The following POLR1D variants were observed in gnomAD, a reference collection of about 807,000 sequenced individuals.
The protein encoded by POLR1D is DNA-directed RNA polymerases I and III subunit RPAC2.
In POLR1D, 8 loss-of-function variants were observed where a neutral mutation model predicts 10.8. The ratio of observed to expected loss-of-function variants is 0.74; its 90% CI spans 0.43 to 1.33. POLR1D has a LOEUF of 1.33. Ranked by LOEUF, POLR1D falls within the 40% of genes most tolerant of loss-of-function variation. POLR1D has a pLI of 0.01. For missense variants in POLR1D, 152 were observed against 161.7 expected (o/e 0.94, Z 0.32); for synonymous variants, 54 against 57.2 (o/e 0.94, Z 0.25).
chr13:27,648,218 A>G (rs1313505049), intron 1 of POLR1D: 2 of 559,006 alleles, frequency 3.6e-6, no homozygotes, highest in African/African-American at 3.8e-5. Context: ...GTTTCTTTTT[A>G]ATTTATGTGT....
downstream of POLR1D, among the ~76,000 whole-genome samples, chr13:27,627,616 G>T (rs1345692496): frequency 6.6e-6 from 1 of 151,824 alleles, no homozygotes; most frequent in African/African-American, 2.4e-5. Context: ...CAGTGAAGAT[G>T]GCAAATAAGA....
chr13:27,622,127 G>A, intron 1 of POLR1D, 118 bp downstream of exon 1: 1 of 832,596 alleles, frequency 1.2e-6, no homozygotes, highest in Non-Finnish European at 2.0e-6. Context: ...GAAGAAGCAT[G>A]GAGAGAGAAG....
At position 27,663,245 on chromosome 13, in the gene POLR1D, C is replaced by T. The variant is rs1956382114; in HGVS notation, c.102-2441C>T. Among the ~76,000 whole-genome samples the T allele has an allele frequency of 6.6e-6, 1 of 152,108 alleles. No individual in the cohort carries two copies. The highest frequency in any genetic ancestry group is 2.1e-4 in the South Asian group (1 of 4,832). Reference sequence around the variant, plus strand: ...TATTTATTAGTAGAGTGTGAATGAGCACTTGTCATCACTTCTAAAATGTGT... The same window carrying T: ...TATTTATTAGTAGAGTGTGAATGAGTACTTGTCATCACTTCTAAAATGTGT... On this transcript the variant is annotated intron_variant, in intron 2 of 2. Coordinates refer to the POLR1D transcript ENST00000399697. The surrounding 1 kb of genome is among the most constrained non-coding windows in gnomAD (Gnocchi z 4.1).
upstream of POLR1D, chr13:27,620,861 A>T (rs1244924863): frequency 1.3e-5 from 2 of 148,786 alleles, no homozygotes; most frequent in Admixed American, 1.4e-4. Context: ...CGCCGCCAAG[A>T]GTGGCACAGC....
chr13:27,648,442 A>G, exon 2 of POLR1D: 1 of 1,607,194 alleles, frequency 6.2e-7, no homozygotes, highest in Non-Finnish European at 8.5e-7. Context: ...AAACAATGGG[A>G]CCCATGGGTT....
chr13:27,642,653 T>A (rs571097413), intron 1 of POLR1D, among the ~76,000 whole-genome samples: 1 of 152,258 alleles, frequency 6.6e-6, no homozygotes, highest in African/African-American at 2.4e-5. Context: ...ACCATGTATG[T>A]GCCAGGCATA....
At chr13:27,630,061 G>A (rs1335569212) in intron 1 of POLR1D, among the ~76,000 whole-genome samples, 2 of 152,064 alleles carry the variant, frequency 1.3e-5, no homozygotes, top group Non-Finnish European at 2.9e-5. Flanking sequence ...ACAGGCACCC[G>A]CCACCAGGCC....
intron 1 of POLR1D, among the ~76,000 whole-genome samples, chr13:27,633,506 A>G (rs1029629955): frequency 6.6e-6 from 1 of 152,222 alleles, no homozygotes; most frequent in Non-Finnish European, 1.5e-5. Flanking sequence ...CTTCACTTCC[A>G]TGGAAAATTG....
exon 3 of POLR1D, chr13:27,665,806 G>A (rs773466756): frequency 1.2e-5 from 20 of 1,614,104 alleles, no homozygotes; most frequent in Non-Finnish European, 1.7e-5. Context: ...AACCAGCGAA[G>A]AGCCAGGCCC....
At chr13:27,656,662 G>A (rs1956310559) in intron 2 of POLR1D, among the ~76,000 whole-genome samples, 1 of 152,226 alleles carries the variant, frequency 6.6e-6, no homozygotes, top group Non-Finnish European at 1.5e-5. Context: ...GCTTCAGGCA[G>A]TGGTGTGGTT....
chr13:27,651,447 A>G (rs1956267205), intron 2 of POLR1D: 1 of 152,188 alleles, frequency 6.6e-6, no homozygotes, highest in Non-Finnish European at 1.5e-5. Flanking sequence ...TTGATTTTTT[A>G]GGTGTGATAG....
chr13:27,658,575 T>C (rs1423998011), intron 2 of POLR1D, among the ~76,000 whole-genome samples: 1 of 152,190 alleles, frequency 6.6e-6, no homozygotes, highest in East Asian at 1.9e-4. Context: ...CCATAAGAAA[T>C]AGATGGTTGA....
chr13:27,625,131 G>T (rs1955995874), downstream of POLR1D, among the ~76,000 whole-genome samples: 1 of 152,110 alleles, frequency 6.6e-6, no homozygotes. Context: ...ATTGAACAAA[G>T]ATTTGCATGT....
rs895912704 is a variant in POLR1D, at chr13:27,622,999, C to T, written c.151C>T (p.Leu51=). 2 of 1,613,986 alleles carry T rather than the reference C, an allele frequency of 1.2e-6. No homozygotes were observed. Among genetic ancestry groups the T allele is most frequent in the Admixed American group, 3.3e-5 (2 of 60,000 alleles). The change falls in exon 2 of 2, where the codon CTA becomes TTA. Residue 51 remains leucine (L), a synonymous_variant. Coordinates refer to ENST00000302979, the MANE Select transcript of POLR1D (RefSeq NM_015972.4). ...TFVLHEEDHT[L]GNSLRYMIMK... is the part of the protein sequence containing the mutation. The stretch of plus-strand genomic sequence containing the variant: ...TGTATTGCACGAGGAAGACCATACC[C>T]TAGGAAATTCTCTACGTTACATGAT...
intron 2 of POLR1D, among the ~76,000 whole-genome samples, chr13:27,648,773 T>C (rs189647352): frequency 1.4e-4 from 22 of 152,350 alleles, no homozygotes; most frequent in African/African-American, 5.3e-4. Context: ...TTGGTGTTCA[T>C]TGTTTAAGAA....
chr13:27,634,048 T>A (rs887274844), intron 1 of POLR1D, among the ~76,000 whole-genome samples: 8 of 152,230 alleles, frequency 5.3e-5, no homozygotes, highest in African/African-American at 1.9e-4. Context: ...CTTCTAGACT[T>A]GATTCTACAG....
intron 2 of POLR1D, chr13:27,665,531 G>C (rs1956407137): frequency 1.4e-6 from 1 of 702,538 alleles, no homozygotes; most frequent in African/African-American, 1.8e-5. Flanking sequence ...CTGGTACTCA[G>C]AGTTTACACT....
At chr13:27,647,186 C>T (rs1029503913) in intron 1 of POLR1D, among the ~76,000 whole-genome samples, 1 of 152,166 alleles carries the variant, frequency 6.6e-6, no homozygotes, top group African/African-American at 2.4e-5. Flanking sequence ...CCCATAGCAC[C>T]TTGCACAGTA....
chr13:27,629,461 T>C (rs1956051755), intron 1 of POLR1D, among the ~76,000 whole-genome samples: 1 of 152,246 alleles, frequency 6.6e-6, no homozygotes, highest in African/African-American at 2.4e-5. Context: ...ATTAATGTTA[T>C]TATTGTAATA....
Sources: allele counts gnomAD v4.1 joint callset (sites outside exome capture counted in the v4.1 genomes callset), GRCh38; gene constraint gnomAD v4.1.1; non-coding constraint Gnocchi (gnomAD v3.1); transcripts MANE v1.5; gene names NCBI Gene and HGNC (gene_info 2026-07-23, HGNC 2026-07-21).